TAFA2: variants seen among roughly 807,000 people sequenced by gnomAD.
The protein encoded by TAFA2 is chemokine-like protein TAFA-2.
TAFA2 carries 7 observed loss-of-function variants against 18.8 expected under a neutral mutation model. The observed-to-expected ratio is 0.37, with a 90% CI of 0.21 to 0.70. The LOEUF (loss-of-function observed/expected upper bound fraction) is 0.70. TAFA2 is among the 30% of genes least tolerant of loss of function. The pLI is 0.53. For missense variants in TAFA2, 122 were observed against 158.1 expected (o/e 0.77, Z 1.23); for synonymous variants, 60 against 54.2 (o/e 1.11, Z -0.47).
chr12:61,852,097 C>T (rs1018589546), intron 2 of TAFA2, among the ~76,000 whole-genome samples: 3 of 151,578 alleles, frequency 2.0e-5, no homozygotes, highest in African/African-American at 7.3e-5. Flanking sequence ...ATCCCAGCTA[C>T]TCAAGAGGCT....
At chr12:62,033,071 G>C (rs1033919560) in intron 1 of TAFA2, among the ~76,000 whole-genome samples, 19 of 152,128 alleles carry the variant, frequency 1.2e-4, no homozygotes, top group African/African-American at 4.3e-4. Context: ...TACCCACACA[G>C]CCATGTCAGA....
At chr12:61,898,153 C>A (rs1296514414) in intron 1 of TAFA2, among the ~76,000 whole-genome samples, 3 of 152,352 alleles carry the variant, frequency 2.0e-5, no homozygotes, top group Admixed American at 2.0e-4. Context: ...TGGCCTTGGG[C>A]AGTTCTGACC....
intron 1 of TAFA2, chr12:62,234,924 G>A (rs140510733): frequency 2.6e-4 from 214 of 835,522 alleles, no homozygotes; most frequent in Middle Eastern, 1.9e-3. Context: ...TCTGAGCCAC[G>A]GAGGGGGCAT....
intron 4 of TAFA2, among the ~76,000 whole-genome samples, chr12:61,740,809 G>T (rs193111242): frequency 6.6e-6 from 1 of 150,974 alleles, no homozygotes; most frequent in African/African-American, 2.4e-5. Context: ...TTGACTTTAG[G>T]CTAATCCTAC....
intron 1 of TAFA2, among the ~76,000 whole-genome samples, chr12:62,214,952 G>A (rs1030138828): frequency 3.9e-5 from 6 of 152,168 alleles, no homozygotes; most frequent in Middle Eastern, 3.4e-3. Flanking sequence ...ATCTTTAAAG[G>A]CTCCATTTAT....
chr12:61,717,634 G>C (rs1165833964), intron 4 of TAFA2, among the ~76,000 whole-genome samples: 1 of 152,070 alleles, frequency 6.6e-6, no homozygotes, highest in Non-Finnish European at 1.5e-5. Context: ...TAACAGCCTT[G>C]GGTGAGTGGA....
intron 4 of TAFA2, among the ~76,000 whole-genome samples, chr12:61,711,444 GAATGGCTAA>G: frequency 6.6e-6 from 1 of 151,946 alleles, no homozygotes; most frequent in Non-Finnish European, 1.5e-5. Context: ...TCTTTTCTAG[GAATGGCTAA>G]AACAAAAAGT....
chr12:61,750,414 C>G (rs556035242), intron 4 of TAFA2, among the ~76,000 whole-genome samples: 16 of 152,166 alleles, frequency 1.1e-4, no homozygotes, highest in Admixed American at 9.8e-4. Context: ...GTGTGAAGAA[C>G]AGGTATGCAA....
intron 1 of TAFA2, among the ~76,000 whole-genome samples, chr12:61,915,893 TCCAGAAACAGCCTCACAGACATAC>T (rs1271459347): frequency 6.6e-6 from 1 of 152,104 alleles, no homozygotes; most frequent in Non-Finnish European, 1.5e-5. Flanking sequence ...TCTAATCTCT[TCCAGAAACAGCCTCACAGACATAC>T]CCAGAAACAA....
At chr12:61,916,634 C>G (rs1165136332) in intron 1 of TAFA2, among the ~76,000 whole-genome samples, 1 of 152,092 alleles carries the variant, frequency 6.6e-6, no homozygotes, top group African/African-American at 2.4e-5. Context: ...TTTGCTTTTT[C>G]ATGTTTGATT....
chr12:61,965,415 G>A (rs1200226910), intron 1 of TAFA2, among the ~76,000 whole-genome samples: 1 of 151,834 alleles, frequency 6.6e-6, no homozygotes, highest in East Asian at 1.9e-4. Flanking sequence ...ACGATATTTT[G>A]TTATAGCAAC....
chr12:61,883,408 C>A (rs567671159), intron 1 of TAFA2, among the ~76,000 whole-genome samples: 1 of 152,056 alleles, frequency 6.6e-6, no homozygotes, highest in African/African-American at 2.4e-5. Context: ...AAGGAAAATG[C>A]GGCTGCTTAC....
At chr12:62,158,858 A>C (rs2062388429) in intron 1 of TAFA2, among the ~76,000 whole-genome samples, 1 of 152,218 alleles carries the variant, frequency 6.6e-6, no homozygotes, top group Non-Finnish European at 1.5e-5. Flanking sequence ...CAAAGTCTAA[A>C]GACCCAGCAC....
At chr12:61,791,796 A>G (rs1337384319) in intron 2 of TAFA2, among the ~76,000 whole-genome samples, 1 of 151,750 alleles carries the variant, frequency 6.6e-6, no homozygotes, top group Non-Finnish European at 1.5e-5. Context: ...GTCATTGTGG[A>G]AAACATTTTG....
At chr12:61,723,156 C>T (rs769798191) in intron 4 of TAFA2, among the ~76,000 whole-genome samples, 31 of 152,118 alleles carry the variant, frequency 2.0e-4, no homozygotes, top group Non-Finnish European at 4.0e-4. Context: ...AATGTGGCCA[C>T]TTCATGATTT....
chr12:62,156,255 A>T (rs764763712), intron 1 of TAFA2, among the ~76,000 whole-genome samples: 2 of 152,168 alleles, frequency 1.3e-5, no homozygotes, highest in Non-Finnish European at 2.9e-5. Flanking sequence ...ATACCACCTT[A>T]CTCCTGCAAG....
At chr12:61,885,357 T>C (rs1875330224) in intron 1 of TAFA2, among the ~76,000 whole-genome samples, 1 of 152,204 alleles carries the variant, frequency 6.6e-6, no homozygotes. Flanking sequence ...AAGAATGACA[T>C]AGTGCCAGGG....
chr12:61,909,372 G>A (rs1054667706), intron 1 of TAFA2, among the ~76,000 whole-genome samples: 3 of 152,228 alleles, frequency 2.0e-5, no homozygotes, highest in South Asian at 2.1e-4. Context: ...CTGGACCTAG[G>A]GGAAGACATC....
chr12:61,828,099 G>A (rs1872589381), intron 2 of TAFA2, among the ~76,000 whole-genome samples: 1 of 151,906 alleles, frequency 6.6e-6, no homozygotes, highest in South Asian at 2.1e-4. Context: ...AAAGTTCAAT[G>A]ATCTCATTTT....
Sources: allele counts gnomAD v4.1 joint callset (sites outside exome capture counted in the v4.1 genomes callset), GRCh38; gene constraint gnomAD v4.1.1; transcripts MANE v1.5; gene names NCBI Gene and HGNC (gene_info 2026-07-23, HGNC 2026-07-21).